Variants in FTO observed in about 807,000 individuals in gnomAD.
The protein encoded by FTO is FTO alpha-ketoglutarate dependent dioxygenase, also known as alpha-ketoglutarate-dependent dioxygenase FTO.
FTO carries 47 observed loss-of-function variants against 63.9 expected under a neutral mutation model. The ratio of observed to expected loss-of-function variants is 0.74; its 90% CI spans 0.58 to 0.94. The LOEUF is 0.94. FTO is among the 40% of genes least tolerant of loss of function. The probability of loss-of-function intolerance (pLI) is 0.00; values close to 1 mark genes in which losing one functional copy is unlikely to be tolerated. For synonymous variants in FTO, 207 were observed against 224.4 expected, an observed-to-expected ratio of 0.92 and a Z score of 0.69; for missense variants, 562 against 618.1, an observed-to-expected ratio of 0.91 and a Z score of 0.96.
intron 6 of FTO, among the ~76,000 whole-genome samples, chr16:53,883,738 G>A (rs995502120): frequency 2.0e-5 from 3 of 151,508 alleles, no homozygotes; most frequent in South Asian, 2.1e-4. Flanking sequence ...CAGAAACCTC[G>A]GCCCCCTGGG....
At chr16:53,762,181 T>A (rs2077087960) in intron 1 of FTO, among the ~76,000 whole-genome samples, 2 of 152,220 alleles carry the variant, frequency 1.3e-5, no homozygotes, top group Non-Finnish European at 2.9e-5. Context: ...ATTTGCTTAA[T>A]GTTTTACCGG....
intron 1 of FTO, among the ~76,000 whole-genome samples, chr16:53,765,898 AT>A (rs2077188942): frequency 6.6e-6 from 1 of 152,208 alleles, no homozygotes; most frequent in Non-Finnish European, 1.5e-5. Flanking sequence ...TCCAAGTCCC[AT>A]TGGAAATCAC....
intron 1 of FTO, among the ~76,000 whole-genome samples, chr16:53,808,430 A>T (rs912635078): frequency 1.3e-5 from 2 of 152,232 alleles, no homozygotes; most frequent in Non-Finnish European, 2.9e-5. Flanking sequence ...TTGACTAAAT[A>T]AATATAATAG....
intron 1 of FTO, among the ~76,000 whole-genome samples, chr16:53,748,016 G>A (rs1363241922): frequency 1.3e-5 from 2 of 152,230 alleles, no homozygotes; most frequent in African/African-American, 2.4e-5. Context: ...TGGTTGATGA[G>A]CCCATTTTTC....
chr16:53,818,139 T>G (rs989574806), intron 2 of FTO, among the ~76,000 whole-genome samples: 3 of 151,234 alleles, frequency 2.0e-5, no homozygotes, highest in African/African-American at 7.3e-5. Context: ...TTAAATTACT[T>G]AATGTTCACT....
chr16:53,800,770 A>G (rs555331180), intron 1 of FTO, among the ~76,000 whole-genome samples: 2 of 152,090 alleles, frequency 1.3e-5, no homozygotes, highest in East Asian at 3.9e-4. Flanking sequence ...ATTTTGTCTG[A>G]TATCAATATA....
At chr16:53,706,206 TAAGTAG>T (rs1354154683) in intron 1 of FTO, among the ~76,000 whole-genome samples, 1 of 152,212 alleles carries the variant, frequency 6.6e-6, no homozygotes, top group African/African-American at 2.4e-5. Context: ...GAACAAAGTA[TAAGTAG>T]TTGTTTTAAA....
intron 3 of FTO, among the ~76,000 whole-genome samples, chr16:53,831,961 TG>T (rs1431102487): frequency 2.0e-5 from 3 of 152,116 alleles, no homozygotes; most frequent in African/African-American, 7.2e-5. Flanking sequence ...TGGAGTGAGA[TG>T]GGGAGCCACT....
At chr16:54,013,953 C>T (rs1347280905) in intron 8 of FTO, among the ~76,000 whole-genome samples, 1 of 152,106 alleles carries the variant, frequency 6.6e-6, no homozygotes, top group East Asian at 1.9e-4. Context: ...CTAAAAAGGA[C>T]ATTTGAAAGT....
At chr16:53,954,692 G>A (rs2082882294) in intron 8 of FTO, among the ~76,000 whole-genome samples, 1 of 152,082 alleles carries the variant, frequency 6.6e-6, no homozygotes, top group Non-Finnish European at 1.5e-5. Context: ...TTCAGCTGTG[G>A]CAGGGTTTTC....
At position 53,731,791 on chromosome 16, in the gene FTO, A is replaced by G. The variant is rs890255124; in HGVS notation, c.45+27562A>G. On this transcript the variant is annotated intron_variant, in intron 1 of 8. Coordinates refer to ENST00000471389, the MANE Select transcript of FTO (RefSeq NM_001080432.3). ...GAGACGGAGTCTCCCTCTTTTGCCC[A>G]GGCTGGACTGCAGTGGCACTATCTC... Among the ~76,000 whole-genome samples, 3 of 135,540 alleles carry G rather than the reference A, an allele frequency of 2.2e-5. No homozygotes were observed. In the Admixed American group the frequency reaches 2.4e-4, roughly 11 times the overall value. The allele number at this position is 135,540 out of a possible 152,430, so 88.9% of individuals were successfully genotyped here. A position where few individuals can be genotyped will look rare whatever the true frequency, so the allele number is the denominator to read the frequency against.
chr16:54,076,172 A>T (rs2085988323), intron 8 of FTO, among the ~76,000 whole-genome samples: 1 of 152,178 alleles, frequency 6.6e-6, no homozygotes, highest in Non-Finnish European at 1.5e-5. Flanking sequence ...TAGTGTGTTT[A>T]AAATACTCTT....
intron 8 of FTO, among the ~76,000 whole-genome samples, chr16:53,985,842 A>G (rs2083654718): frequency 6.6e-6 from 1 of 152,212 alleles, no homozygotes; most frequent in South Asian, 2.1e-4. Flanking sequence ...GTATAACTGG[A>G]AGCTAATTTT....
chr16:53,879,804 A>C, intron 5 of FTO, 40 bp from the exon 6 acceptor site: 1 of 1,607,160 alleles, frequency 6.2e-7, no homozygotes, highest in Non-Finnish European at 8.5e-7. Flanking sequence ...GTAAACTTAG[A>C]TTTTGCCCAT....
intron 4 of FTO, among the ~76,000 whole-genome samples, chr16:53,857,522 G>A (rs1226353907): frequency 6.6e-6 from 1 of 151,928 alleles, no homozygotes; most frequent in Non-Finnish European, 1.5e-5. Context: ...CTGACCTGGA[G>A]CCTGAGTCCA....
chr16:53,733,375 C>T (rs1695181236), intron 1 of FTO, among the ~76,000 whole-genome samples: 1 of 151,954 alleles, frequency 6.6e-6, no homozygotes, highest in South Asian at 2.1e-4. Context: ...GCATTCCAGC[C>T]TGGGTAACAA....
chr16:53,949,729 A>G (rs950304961), intron 8 of FTO, among the ~76,000 whole-genome samples: 3 of 149,716 alleles, frequency 2.0e-5, no homozygotes, highest in East Asian at 3.9e-4. Flanking sequence ...GTGAGACTTT[A>G]TTTTGGTTAA....
chr16:53,889,818 A>C (rs1331401239), intron 7 of FTO, among the ~76,000 whole-genome samples: 1 of 150,314 alleles, frequency 6.7e-6, no homozygotes, highest in Non-Finnish European at 1.5e-5. Flanking sequence ...ATTAAGTCTT[A>C]ATTTAAATAA....
chr16:54,033,050 A>T (rs1204883274), intron 8 of FTO, among the ~76,000 whole-genome samples: 3 of 152,196 alleles, frequency 2.0e-5, no homozygotes, highest in Non-Finnish European at 4.4e-5. Flanking sequence ...CTGCAGAACC[A>T]TGAGTCAATT....
Sources: allele counts gnomAD v4.1 joint callset (sites outside exome capture counted in the v4.1 genomes callset), GRCh38; gene constraint gnomAD v4.1.1; transcripts MANE v1.5; gene names NCBI Gene and HGNC (gene_info 2026-07-23, HGNC 2026-07-21).